The following KANK4 variants were observed in gnomAD, a reference collection of about 807,000 sequenced individuals.
The protein encoded by KANK4 is KN motif and ankyrin repeat domains 4, also known as KN motif and ankyrin repeat domain-containing protein 4.
A neutral mutation model predicts 80.8 loss-of-function variants in KANK4; 50 were observed. That is an observed-to-expected ratio of 0.62 (90% confidence interval 0.49 to 0.78). KANK4 has a LOEUF of 0.78. Ranked by LOEUF, KANK4 falls within the 30% of genes least tolerant of loss-of-function variation. The pLI, the probability that KANK4 is intolerant of heterozygous loss-of-function variation, is 0.00. For missense variants in KANK4, 1,196 were observed against 1,240.1 expected (o/e 0.96, Z 0.53); for synonymous variants, 465 against 506.9 (o/e 0.92, Z 1.11).
chr1:62,290,470 G>T (rs1360948609), intron 1 of KANK4, among the ~76,000 whole-genome samples: 2 of 152,196 alleles, frequency 1.3e-5, no homozygotes, highest in Non-Finnish European at 2.9e-5. Flanking sequence ...TATTCAAGAA[G>T]AGCACAGCTC....
Position 62,274,710 on chromosome 1 carries a change from G to C in KANK4, c.394C>G (p.Leu132Val), listed in dbSNP as rs150207421. Residue 132 changes from leucine (L) to valine (V), a missense_variant, in exon 3 of 10, where the codon CTG (leucine) becomes GTG (valine). Transcript: ENST00000371153. Reference protein sequence around the residue: ...RSEVSYHRKALLAEATRQLEA... With the variant: ...RSEVSYHRKAVLAEATRQLEA... ...AACTGTCTGGTGGCCTCTGCCAACA[G>C]AGCCTTCCTGTGGTAGCTCACCTCA... 392 of 1,614,224 alleles carry C rather than the reference G, an allele frequency of 2.4e-4. No homozygotes were observed. Among genetic ancestry groups the C allele is most frequent in the Non-Finnish European group, 3.2e-4 (372 of 1,180,050 alleles).
intron 2 of KANK4, among the ~76,000 whole-genome samples, chr1:62,275,601 C>T (rs565130621): frequency 3.7e-4 from 57 of 152,244 alleles, no homozygotes; most frequent in African/African-American, 1.2e-3. Context: ...TTGCTAAAGC[C>T]GGAGGTATCA....
At chr1:62,294,963 T>C (rs1209478651) in intron 1 of KANK4, among the ~76,000 whole-genome samples, 1 of 152,222 alleles carries the variant, frequency 6.6e-6, no homozygotes, top group Non-Finnish European at 1.5e-5. Flanking sequence ...TATATTGTTG[T>C]GGCCTGGGTT....
chr1:62,303,503 C>T (rs1644428501), intron 1 of KANK4, among the ~76,000 whole-genome samples: 1 of 151,874 alleles, frequency 6.6e-6, no homozygotes, highest in Admixed American at 6.5e-5. Flanking sequence ...ACAAAGGTGC[C>T]CAAAAGCACC....
chr1:62,274,762 A>G lies in KANK4; in HGVS notation c.342T>C (p.Asn114=), dbSNP rs1236262815. ...QEQNQSPPLG[N]APQASTSRSE... is the part of the protein sequence containing the mutation. ...TCCTGCTTGTTGAGGCCTGGGGGGC[A>G]TTACCAAGCGGTGGTGACTGGTTTT... The change falls in exon 3 of 10, where the codon AAT becomes AAC. Residue 114 remains asparagine, a synonymous_variant. Coordinates refer to ENST00000371153, the MANE Select transcript of KANK4 (RefSeq NM_181712.5). 1 of 1,614,014 alleles carries G rather than the reference A, an allele frequency of 6.2e-7. No individual in the cohort carries two copies.
chr1:62,274,637 C>T lies in KANK4; in HGVS notation c.467G>A (p.Arg156Gln), dbSNP rs781772189. Reference sequence around the variant, plus strand: ...GCTGGATGCTCTCAAGAGCTGGGGCCGTCCACTCCCAAAAGTGAGCTCGGC... The same window carrying T: ...GCTGGATGCTCTCAAGAGCTGGGGCTGTCCACTCCCAAAAGTGAGCTCGGC... The part of the protein sequence containing the change: ...EDAELTFGSG[R>Q]PQLLRASSMP... Residue 156 changes from arginine to glutamine, a missense_variant, in exon 3 of 10, where the codon CGG (arginine) becomes CAG (glutamine). Physicochemically the swap from Arg to Gln is conservative, Grantham distance 43. Coordinates refer to ENST00000371153, the MANE Select transcript of KANK4 (RefSeq NM_181712.5). 1.2e-5 allele frequency: 20 copies of T among 1,614,056 alleles called. No individual in the cohort carries two copies. The highest frequency in any genetic ancestry group is 2.2e-5 in the East Asian group (1 of 44,884).
chr1:62,285,218 G>A (rs1190290225), intron 1 of KANK4, among the ~76,000 whole-genome samples: 3 of 152,164 alleles, frequency 2.0e-5, no homozygotes, highest in South Asian at 2.1e-4. Context: ...CCTATGGGGC[G>A]GTAAGGAGGT....
At chr1:62,249,033 G>A (rs1671542668) in intron 8 of KANK4, among the ~76,000 whole-genome samples, 1 of 149,382 alleles carries the variant, frequency 6.7e-6, no homozygotes, top group Admixed American at 6.7e-5. Flanking sequence ...AATTAGCTAG[G>A]TATGGTGGCG....
chr1:62,304,958 G>A (rs145591316), intron 1 of KANK4, among the ~76,000 whole-genome samples: 3 of 152,064 alleles, frequency 2.0e-5, no homozygotes, highest in Admixed American at 1.3e-4. Context: ...GATAATGGGA[G>A]TACAAGTGCT....
rs143036018 is a variant in KANK4, at chr1:62,246,434, C to T, written c.2883+1038G>A. Among the ~76,000 whole-genome samples the T allele has an allele frequency of 4.4e-3, 667 of 152,240 alleles. 5 individuals carry two copies. The highest frequency in any genetic ancestry group is 7.6e-3 in the Non-Finnish European group (516 of 68,028). The stretch of plus-strand genomic sequence containing the variant: ...GGACAGCAGAGCTTCCCCATCTAAG[C>T]TACTGCCTCAAAGCCCACATGCTGT... On this transcript the variant is annotated intron_variant, in intron 9 of 9. Transcript: ENST00000371153.
At chr1:62,263,722 C>T (rs1671951180) in intron 6 of KANK4, among the ~76,000 whole-genome samples, 1 of 152,230 alleles carries the variant, frequency 6.6e-6, no homozygotes, top group Admixed American at 6.5e-5. Flanking sequence ...AGGACACCTG[C>T]GTGTGTTTAA....
intron 1 of KANK4, among the ~76,000 whole-genome samples, chr1:62,306,721 A>C (rs1644454676): frequency 6.6e-6 from 1 of 152,162 alleles, no homozygotes; most frequent in South Asian, 2.1e-4. Flanking sequence ...TTTAATAAAA[A>C]AATTCCCAAT....
intron 1 of KANK4, among the ~76,000 whole-genome samples, chr1:62,315,656 A>G (rs1294351603): frequency 6.6e-6 from 1 of 152,220 alleles, no homozygotes; most frequent in Non-Finnish European, 1.5e-5. Flanking sequence ...GCACAACATC[A>G]GAGTTTTAAA....
intron 7 of KANK4, among the ~76,000 whole-genome samples, chr1:62,262,746 G>C (rs984049737): frequency 6.6e-6 from 1 of 152,176 alleles, no homozygotes; most frequent in African/African-American, 2.4e-5. Flanking sequence ...ATTATTCTAA[G>C]TGAAGTAACT....
intron 9 of KANK4, among the ~76,000 whole-genome samples, chr1:62,242,970 A>T (rs1244795724): frequency 6.6e-6 from 1 of 152,122 alleles, no homozygotes; most frequent in Non-Finnish European, 1.5e-5. Context: ...ACCCTTGGGA[A>T]TCTGCATGTG....
At chr1:62,318,742 C>G (rs1321762739) in intron 1 of KANK4, among the ~76,000 whole-genome samples, 1 of 152,212 alleles carries the variant, frequency 6.6e-6, no homozygotes. Flanking sequence ...GCTGCACCAC[C>G]TGAGTCGCAA....
chr1:62,271,725 T>A, intron 3 of KANK4, 136 bp from the exon 4 acceptor site: 1 of 633,634 alleles, frequency 1.6e-6, no homozygotes, highest in Non-Finnish European at 2.8e-6. Flanking sequence ...CCAGATCATG[T>A]AAATCAATGT....
At chr1:62,300,414 G>A (rs527652987) in intron 1 of KANK4, among the ~76,000 whole-genome samples, 2 of 152,234 alleles carry the variant, frequency 1.3e-5, no homozygotes, top group South Asian at 4.1e-4. Flanking sequence ...TCCAAAATGG[G>A]AGGCAGAGAC....
chr1:62,261,183 G>T (rs1445716190), intron 7 of KANK4, among the ~76,000 whole-genome samples: 4 of 128,414 alleles, frequency 3.1e-5, no homozygotes, highest in African/African-American at 1.2e-4. Flanking sequence ...TTGAGACAGG[G>T]TCTCTCTCTG....
Sources: allele counts gnomAD v4.1 joint callset (sites outside exome capture counted in the v4.1 genomes callset), GRCh38; gene constraint gnomAD v4.1.1; transcripts MANE v1.5; gene names NCBI Gene and HGNC (gene_info 2026-07-23, HGNC 2026-07-21).